PDE4D: variants seen among roughly 807,000 people sequenced by gnomAD.
PDE4D encodes the protein phosphodiesterase 4D.
In PDE4D, 24 loss-of-function variants were observed where a neutral mutation model predicts 87.4. The observed-to-expected ratio is 0.27, with a 90% CI of 0.20 to 0.39. The LOEUF is 0.39. PDE4D is among the 10% of genes least tolerant of loss of function. The pLI is 1.00. For missense variants in PDE4D, 714 were observed against 1,041.0 expected, an observed-to-expected ratio of 0.69 and a Z score of 4.32; for synonymous variants, 384 against 383.2, an observed-to-expected ratio of 1.00 and a Z score of -0.02.
Position 59,569,954 on chromosome 5 carries a change from G to A in PDE4D, c.455+323214C>T. Reference sequence around the variant, plus strand: ...ATTAATACAGCTTAAGATGTTATGTGAAATTTCCAAAATAGGTTCCATATT... The same window carrying A: ...ATTAATACAGCTTAAGATGTTATGTAAAATTTCCAAAATAGGTTCCATATT... On this transcript the variant is annotated intron_variant, in intron 1 of 14. Coordinates refer to ENST00000340635, the MANE Select transcript of PDE4D (RefSeq NM_001104631.2). Among the ~76,000 whole-genome samples, 2 of 152,166 alleles carry A rather than the reference G, an allele frequency of 1.3e-5. 1 individual carries two copies.
intron 5 of PDE4D, among the ~76,000 whole-genome samples, chr5:59,103,222 A>G (rs1771053950): frequency 6.6e-6 from 1 of 152,182 alleles, no homozygotes; most frequent in South Asian, 2.1e-4. Context: ...TCAATTCTGA[A>G]CCTGAAAAAC....
intron 1 of PDE4D, among the ~76,000 whole-genome samples, chr5:59,605,341 AT>A (rs1828046670): frequency 6.6e-6 from 1 of 151,438 alleles, no homozygotes; most frequent in South Asian, 2.1e-4. Context: ...AAATATAAGT[AT>A]TTCTTATTTG....
At chr5:59,926,422 A>G (rs546276245) in intron 3 of PDE4D, among the ~76,000 whole-genome samples, 1 of 152,216 alleles carries the variant, frequency 6.6e-6, no homozygotes, top group South Asian at 2.1e-4. Context: ...TCAAAAACAA[A>G]AAACCCTAAT....
chr5:59,799,980 C>G (rs542189888), intron 1 of PDE4D, among the ~76,000 whole-genome samples: 1 of 152,088 alleles, frequency 6.6e-6, no homozygotes, highest in South Asian at 2.1e-4. Flanking sequence ...CAAAATTCTA[C>G]GAAAGGCAGG....
chr5:60,135,906 CA>C (rs1251679537), intron 2 of PDE4D, among the ~76,000 whole-genome samples: 1 of 152,122 alleles, frequency 6.6e-6, no homozygotes, highest in Non-Finnish European at 1.5e-5. Flanking sequence ...TCATCCTTTC[CA>C]AGCTTCTTTG....
At position 59,843,439 on chromosome 5, in the gene PDE4D, T is replaced by TC. The variant is rs150019506; in HGVS notation, c.455+49728dup. ...CATCTCTATCCATTCCCTACCCTAC[T>TC]CCCCCCCAGAAAAATCCTTTCACCT... is the stretch of plus-strand genomic sequence containing the variant. On this transcript the variant is annotated intron_variant, in intron 1 of 14. Transcript: ENST00000340635. Among the ~76,000 whole-genome samples, 59 of 151,618 alleles carry TC rather than the reference T, an allele frequency of 3.9e-4. 1 individual carries two copies. The highest frequency in any genetic ancestry group is 1.3e-3 in the African/African-American group (54 of 41,378).
At chr5:59,687,359 A>G (rs533874833) in intron 1 of PDE4D, among the ~76,000 whole-genome samples, 3 of 152,340 alleles carry the variant, frequency 2.0e-5, no homozygotes, top group South Asian at 2.1e-4. Context: ...AGGGAAGCCC[A>G]TCAGACTAAC....
chr5:60,365,694 T>C (rs1238611868), intron 1 of PDE4D, among the ~76,000 whole-genome samples: 1 of 152,178 alleles, frequency 6.6e-6, no homozygotes, highest in Admixed American at 6.5e-5. Flanking sequence ...GAACTTTGTA[T>C]TCCTCAGATT....
chr5:59,525,877 A>C (rs12187448), intron 1 of PDE4D, among the ~76,000 whole-genome samples: 33,179 of 152,014 alleles, frequency 0.22, 4,439 homozygotes, highest in Non-Finnish European at 0.3. Flanking sequence ...TTTGTTTCCC[A>C]TTCCACCATG....
intron 1 of PDE4D, among the ~76,000 whole-genome samples, chr5:59,486,842 A>G (rs16889903): frequency 0.27 from 41,042 of 152,192 alleles, 5,868 homozygotes; most frequent in Admixed American, 0.31. Context: ...CTAGGTTTTT[A>G]TTAAGCATTT....
In PDE4D at chr5:59,232,988, A is replaced by C. The variant is rs954650374; in HGVS notation, c.456-17020T>G. 1.2e-4 allele frequency among the ~76,000 whole-genome samples: 19 copies of C among 152,246 alleles called. No homozygotes were observed. The South Asian group carries it at 2.1e-3, about 17-fold the overall frequency. On this transcript the variant is annotated intron_variant, in intron 1 of 14. Coordinates refer to ENST00000340635, the MANE Select transcript of PDE4D (RefSeq NM_001104631.2). ...TCACTCATAAGTGGGTGCTAAAAAA[A>C]GTTGATATCATGAAGGTAATAGAAT...
At chr5:59,059,771 G>A (rs1762865091) in intron 5 of PDE4D, among the ~76,000 whole-genome samples, 1 of 152,086 alleles carries the variant, frequency 6.6e-6, no homozygotes, top group Admixed American at 6.6e-5. Flanking sequence ...AGTTCATATG[G>A]TAAAGATTAT....
intron 1 of PDE4D, among the ~76,000 whole-genome samples, chr5:59,814,762 C>T (rs932770880): frequency 6.6e-6 from 1 of 152,040 alleles, no homozygotes; most frequent in Non-Finnish European, 1.5e-5. Context: ...TGCTGCAAAG[C>T]CTGCATTTGT....
At chr5:59,116,546 A>G (rs994314813) in intron 5 of PDE4D, among the ~76,000 whole-genome samples, 6 of 152,208 alleles carry the variant, frequency 3.9e-5, no homozygotes, top group African/African-American at 1.4e-4. Context: ...CAATAAAAAG[A>G]ACCCACAACT....
At chr5:59,332,233 T>A (rs894265575) in intron 1 of PDE4D, among the ~76,000 whole-genome samples, 1 of 152,226 alleles carries the variant, frequency 6.6e-6, no homozygotes, top group African/African-American at 2.4e-5. Context: ...AGTGATGGTT[T>A]TTTTTGGTTA....
intron 1 of PDE4D, among the ~76,000 whole-genome samples, chr5:59,513,915 G>A (rs531359190): frequency 6.6e-6 from 1 of 152,152 alleles, no homozygotes; most frequent in African/African-American, 2.4e-5. Context: ...AACTTAGAGC[G>A]AAAGTCAGTA....
chr5:59,409,462 G>C (rs1432050701), intron 1 of PDE4D, among the ~76,000 whole-genome samples: 1 of 152,152 alleles, frequency 6.6e-6, no homozygotes, highest in African/African-American at 2.4e-5. Flanking sequence ...CCCAGTGTTG[G>C]AGATGGGCCC....
At chr5:59,276,025 G>A (rs1186645538) in intron 1 of PDE4D, 2 of 979,972 alleles carry the variant, frequency 2.0e-6, no homozygotes, top group African/African-American at 1.8e-5. Context: ...TTGTGAATGA[G>A]AACTATCATT....
chr5:60,423,178 T>A (rs1038776597), intron 1 of PDE4D, among the ~76,000 whole-genome samples: 1 of 152,168 alleles, frequency 6.6e-6, no homozygotes, highest in African/African-American at 2.4e-5. Context: ...TGAACTCAGC[T>A]CCGCAACAAG....
Sources: gnomAD v4.1 joint callset for allele counts (sites outside exome capture counted in the v4.1 genomes callset) on GRCh38, gnomAD v4.1.1 for gene constraint, MANE v1.5 for transcripts, NCBI Gene and HGNC (gene_info 2026-07-23, HGNC 2026-07-21) for gene names.